Variants in MANF observed in about 807,000 individuals in gnomAD.
The protein encoded by MANF is mesencephalic astrocyte derived neurotrophic factor.
MANF carries 9 observed loss-of-function variants against 19.1 expected under a neutral mutation model. The ratio of observed to expected loss-of-function variants is 0.47; its 90% CI spans 0.28 to 0.82. MANF has a LOEUF of 0.82. Among genes scored for constraint, MANF ranks in the 40% least tolerant of loss-of-function variants. The pLI is 0.10. For synonymous variants in MANF, 89 were observed against 88.0 expected (o/e 1.01, Z -0.06); for missense variants, 225 against 226.7 (o/e 0.99, Z 0.05).
Position 51,385,765 on chromosome 3 carries a change from C to T in MANF, c.94+329C>T, listed in dbSNP as rs186430224. On this transcript the variant is annotated intron_variant, in intron 1 of 3. Coordinates refer to ENST00000528157, the MANE Select transcript of MANF (RefSeq NM_006010.6). The stretch of plus-strand genomic sequence containing the variant: ...CCGTTCGGCGTCGGGAGCTCCAGGG[C>T]TGGCCGTGGGTGCTGCGCCCTGTCT... 3.0e-5 allele frequency: 9 copies of T among 295,530 alleles called. No individual in the cohort carries two copies. The Admixed American group carries it at 4.5e-4, about 15-fold the overall frequency. 18.3% of individuals were successfully genotyped at this position (295,530 alleles called of 1,614,324 possible).
rs2088975904 is a variant in MANF, at chr3:51,387,721, T to G, written c.223-16T>G. 6.2e-7 allele frequency: 1 copy of G among 1,608,550 alleles called. No individual in the cohort carries two copies. The highest frequency in any genetic ancestry group is 1.7e-5 in the Admixed American group (1 of 59,332). ...CTCAAGCACCTCCTGAAGGCCATTG[T>G]CCTTTATTGCTCCAGTGCTACTATA... is the stretch of plus-strand genomic sequence containing the variant. On this transcript the variant is annotated splice_polypyrimidine_tract_variant and intron_variant, in intron 2 of 3. Transcript: ENST00000528157.
chr3:51,387,915 C>T (rs2088978032), intron 3 of MANF, 37 bp downstream of exon 3: 1 of 1,605,890 alleles, frequency 6.2e-7, no homozygotes, highest in Admixed American at 1.7e-5. Context: ...GAATGCTGTG[C>T]ACCTTCTGGG....
In MANF at chr3:51,386,260, C is replaced by G. The variant is rs782186722; in HGVS notation, c.147C>G (p.Val49=). Residue 49 remains valine (V), a synonymous_variant, in exon 2 of 4, where the codon GTC becomes GTG. Transcript: ENST00000528157. ...ACCAGGACCTCAAAGACAGAGATGTCACATTCTCACCAGCCACTATTGAAA... is the reference window on the plus strand; with the variant it reads ...ACCAGGACCTCAAAGACAGAGATGTGACATTCTCACCAGCCACTATTGAAA... ...RFYQDLKDRD[V]TFSPATIENE... 5.6e-6 allele frequency: 9 copies of G among 1,613,630 alleles called. No individual in the cohort carries two copies. In the Admixed American group the frequency reaches 1.5e-4, roughly 27 times the overall value.
In MANF at chr3:51,385,524, A is replaced by AGAGGGC. The variant is rs1200926019; in HGVS notation, c.94+96_94+101dup. The AGAGGGC allele has an allele frequency of 8.3e-3, 1,054 of 127,734 alleles. 4 individuals carry two copies. The highest frequency in any genetic ancestry group is 0.029 in the Middle Eastern group (9 of 310). The allele number at this position is 127,734 out of a possible 1,614,324, so 7.9% of individuals were successfully genotyped here. A position where few individuals can be genotyped will look rare whatever the true frequency, so the allele number is the denominator to read the frequency against. On this transcript the variant is annotated intron_variant, in intron 1 of 3. Coordinates refer to ENST00000528157, the MANE Select transcript of MANF (RefSeq NM_006010.6). ...CAACATCACCAGACGGCCGGGGCCAAGAGGGCGAGGGCGGGGGCGGGGGCG... is the reference window on the plus strand; with the variant it reads ...CAACATCACCAGACGGCCGGGGCCAAGAGGGCGAGGGCGAGGGCGGGGGCGGGGGCG...
chr3:51,386,458 C>G (rs1251322659), intron 2 of MANF, 123 bp downstream of exon 2: 1 of 1,062,200 alleles, frequency 9.4e-7, no homozygotes, highest in Non-Finnish European at 1.4e-6. Flanking sequence ...TCTCCATAAA[C>G]TAATGTGAGA....
chr3:51,388,908 A>G lies in MANF; in HGVS notation c.368A>G (p.Lys123Arg), dbSNP rs782113333. The change falls in exon 4 of 4, where the codon AAG (lysine) becomes AGG (arginine). Residue 123 changes from lysine to arginine, a missense_variant. Coordinates refer to ENST00000528157, the MANE Select transcript of MANF (RefSeq NM_006010.6). ...CTCTCCCTGCTCTCTCCTCCAGACA[A>G]GCAGATCGACCTGAGCACAGTGGAC... ...DSQICELKYD[K>R]QIDLSTVDLK... 1.3e-6 allele frequency: 2 copies of G among 1,566,140 alleles called. No homozygotes were observed. Among genetic ancestry groups the G allele is most frequent in the Non-Finnish European group, 1.7e-6 (2 of 1,156,000 alleles).
chr3:51,386,385 C>T (rs781912888), intron 2 of MANF, 50 bp downstream of exon 2: 8 of 1,604,872 alleles, frequency 5.0e-6, no homozygotes, highest in Non-Finnish European at 6.0e-6. Context: ...TGTTAACCCT[C>T]GGCTTCACCA....
At position 51,386,138 on chromosome 3, in the gene MANF, C is replaced by T. The variant is rs1553620851; in HGVS notation, c.95-70C>T. 26 of 1,538,736 alleles carry T rather than the reference C, an allele frequency of 1.7e-5. No homozygotes were observed. In the South Asian group the frequency reaches 2.2e-4, roughly 13 times the overall value. On this transcript the variant is annotated intron_variant, in intron 1 of 3. Coordinates refer to ENST00000528157, the MANE Select transcript of MANF (RefSeq NM_006010.6). ...CCGTGTCTCCTATTAAAATTGCTGG[C>T]GGAGTTCTTTTCTGGTGGATTGGAA...
intron 2 of MANF, chr3:51,386,876 T>TCG: frequency 2.2e-6 from 1 of 456,792 alleles, no homozygotes; most frequent in African/African-American, 2.0e-5. Context: ...CTTGAATTTC[T>TCG]CTGACAGTCT....
At chr3:51,385,770 C>CGTGG (rs1339992015) in intron 1 of MANF, 8 of 281,632 alleles carry the variant, frequency 2.8e-5, no homozygotes, top group African/African-American at 1.7e-4. Context: ...CAGGGCTGGC[C>CGTGG]GTGGGTGCTG....
At chr3:51,387,136 A>C (rs1268298434) in intron 2 of MANF, 1 of 337,700 alleles carries the variant, frequency 3.0e-6, no homozygotes, top group African/African-American at 2.2e-5. Flanking sequence ...CAGCCTGGGC[A>C]AAGTGGTGAA....
chr3:51,385,825 GTTGTA>G (rs2088949295), intron 1 of MANF: 1 of 279,654 alleles, frequency 3.6e-6, no homozygotes, highest in South Asian at 8.9e-5. Context: ...TGGGTCCGCT[GTTGTA>G]TTTGGAAATT....
At chr3:51,386,375 T>A in intron 2 of MANF, 40 bp downstream of exon 2, 1 of 1,609,992 alleles carries the variant, frequency 6.2e-7, no homozygotes, top group Non-Finnish European at 8.5e-7. Flanking sequence ...CCCTGGCTCA[T>A]GTTAACCCTC....
chr3:51,389,024 C>T lies in MANF; in HGVS notation c.484C>T (p.Arg162Trp), dbSNP rs781973909. Reference sequence around the variant, plus strand: ...CTGTGCAGAAAAGTCTGACTACATCCGGAAGATAAATGAACTGATGCCTAA... The same window carrying T: ...CTGTGCAGAAAAGTCTGACTACATCTGGAAGATAAATGAACTGATGCCTAA... ...KGCAEKSDYI[R>W]KINELMPKYA... Residue 162 changes from arginine to tryptophan, a missense_variant, in exon 4 of 4, where the codon CGG (arginine) becomes TGG (tryptophan). Transcript: ENST00000528157. The T allele has an allele frequency of 7.4e-6, 12 of 1,612,118 alleles. No homozygotes were observed. The highest frequency in any genetic ancestry group is 4.5e-5 in the East Asian group (2 of 44,870).
At position 51,386,199 on chromosome 3, in the gene MANF, CTT is replaced by C. The variant is rs1559453027; in HGVS notation, c.95-6_95-5del. On this transcript the variant is annotated splice_region_variant and splice_polypyrimidine_tract_variant and intron_variant, in intron 1 of 3. Coordinates refer to ENST00000528157, the MANE Select transcript of MANF (RefSeq NM_006010.6). ...ATTGCTGAGCATCTCCCGTCCCTCTCTTTTCCAGTTTGTATTTCTTATCTGGG... is the reference window on the plus strand; with the variant it reads ...ATTGCTGAGCATCTCCCGTCCCTCTCTTCCAGTTTGTATTTCTTATCTGGG... 5 of 1,613,092 alleles carry C rather than the reference CTT, an allele frequency of 3.1e-6. No individual in the cohort carries two copies. In the South Asian group the frequency reaches 3.3e-5, roughly 11 times the overall value.
Position 51,386,302 on chromosome 3 carries a change from C to A in MANF, c.189C>A (p.Phe63Leu). 1 of 1,613,976 alleles carries A rather than the reference C, an allele frequency of 6.2e-7. No individual in the cohort carries two copies. The highest frequency in any genetic ancestry group is 1.7e-5 in the Admixed American group (1 of 60,014). Residue 63 changes from phenylalanine to leucine, a missense_variant, in exon 2 of 4, where the codon TTC becomes TTA. Transcript: ENST00000528157. ...CTATTGAAAACGAACTTATAAAGTTCTGCCGGGAAGCAAGAGGCAAAGAGA... is the reference window on the plus strand; with the variant it reads ...CTATTGAAAACGAACTTATAAAGTTATGCCGGGAAGCAAGAGGCAAAGAGA... ...PATIENELIK[F>L]CREARGKENR...
intron 2 of MANF, chr3:51,386,894 TTCTC>T (rs782818566): frequency 2.2e-6 from 1 of 456,676 alleles, no homozygotes; most frequent in South Asian, 1.5e-5. Flanking sequence ...TCTCTGGCTT[TTCTC>T]TCTGTTAAAG....
chr3:51,385,297 TCGG>T lies in MANF; in HGVS notation c.-38_-36del. On this transcript the variant is annotated 5_prime_UTR_variant, in exon 1 of 4. Coordinates refer to ENST00000528157, the MANE Select transcript of MANF (RefSeq NM_006010.6). ...GGCGCGGCGGGTGCGGTTCAGTCGG[TCGG>T]CGGCGGCAGCGGAGGAGGAGGAGGA... The T allele has an allele frequency of 8.5e-7, 1 of 1,178,998 alleles. No individual in the cohort carries two copies. The highest frequency in any genetic ancestry group is 1.1e-6 in the Non-Finnish European group (1 of 938,670). The allele number at this position is 1,178,998 out of a possible 1,614,324, so 73.0% of individuals were successfully genotyped here.
At chr3:51,388,220 G>C (rs567319499) in intron 3 of MANF, among the ~76,000 whole-genome samples, 1 of 152,322 alleles carries the variant, frequency 6.6e-6, no homozygotes, top group East Asian at 1.9e-4. Flanking sequence ...AGCATTAGGA[G>C]TTTTTCAGCA....
Sources: allele counts gnomAD v4.1 joint callset (sites outside exome capture counted in the v4.1 genomes callset), GRCh38; gene constraint gnomAD v4.1.1; transcripts MANE v1.5; gene names NCBI Gene and HGNC (gene_info 2026-07-23, HGNC 2026-07-21).